The following RNF216 variants were observed in gnomAD, a reference collection of about 807,000 sequenced individuals.
RNF216 encodes E3 ubiquitin-protein ligase RNF216.
Under a neutral mutation model 110.8 loss-of-function variants are expected in RNF216, and 72 were observed. That is an observed-to-expected ratio of 0.65 (90% CI 0.54 to 0.79). The LOEUF (loss-of-function observed/expected upper bound fraction) is 0.79. RNF216 is among the 30% of genes least tolerant of loss of function. The pLI is 0.00. For missense variants in RNF216, 1,342 were observed against 1,141.2 expected (o/e 1.18, Z -2.54); for synonymous variants, 495 against 407.5 (o/e 1.21, Z -2.59).
At position 5,680,411 on chromosome 7, in the gene RNF216, T is replaced by G. The variant is rs996188813; in HGVS notation, c.2062-27901A>C. 5.3e-5 allele frequency: 8 copies of G among 152,206 alleles called. No homozygotes were observed. The highest frequency in any genetic ancestry group is 1.9e-4 in the African/African-American group (8 of 41,430). The allele number at this position is 152,206 out of a possible 1,614,324, so 9.4% of individuals were successfully genotyped here. ...ACTGGTTACTCAACACTTCTTTTTT[T>G]GTTGTTGTTGAGACGGAGTCTTGCC... On this transcript the variant is annotated intron_variant, in intron 13 of 16. Transcript: ENST00000389902. This position sits in a 1 kb window ranked among gnomAD's most constrained non-coding sequence, Gnocchi z 4.3.
At chr7:5,687,904 T>C (rs1214349464) in intron 13 of RNF216, among the ~76,000 whole-genome samples, 1 of 152,222 alleles carries the variant, frequency 6.6e-6, no homozygotes, top group Non-Finnish European at 1.5e-5. Context: ...CACAAAGAGA[T>C]ACAAGGAAGA....
At chr7:5,733,296 G>A (rs1794197248) in intron 5 of RNF216, 1 of 152,190 alleles carries the variant, frequency 6.6e-6, no homozygotes, top group Non-Finnish European at 1.5e-5. Context: ...TTAAGGATCA[G>A]TGTTTGTTTC....
intron 2 of RNF216, among the ~76,000 whole-genome samples, chr7:5,756,145 A>G (rs1223473929): frequency 6.6e-6 from 1 of 152,006 alleles, no homozygotes; most frequent in East Asian, 1.9e-4. Context: ...CGATGGTTTT[A>G]TATGCACTGG....
At chr7:5,699,715 C>A (rs1402756730) in intron 13 of RNF216, among the ~76,000 whole-genome samples, 4 of 152,234 alleles carry the variant, frequency 2.6e-5, no homozygotes, top group African/African-American at 4.8e-5. Context: ...GCCTGTTACA[C>A]TGGACATGAA....
intron 11 of RNF216, chr7:5,713,416 G>A (rs1316945017): frequency 6.6e-6 from 1 of 152,440 alleles, no homozygotes; most frequent in African/African-American, 2.4e-5. Flanking sequence ...AGAGCTGAGG[G>A]GTGGCCTGAA....
chr7:5,668,836 G>C (rs539273502), intron 13 of RNF216, among the ~76,000 whole-genome samples: 1 of 152,166 alleles, frequency 6.6e-6, no homozygotes, highest in South Asian at 2.1e-4. Flanking sequence ...TTCTAGTCAC[G>C]GTGTATCTTC....
intron 13 of RNF216, among the ~76,000 whole-genome samples, chr7:5,708,186 C>T (rs555611174): frequency 1.9e-4 from 29 of 152,282 alleles, no homozygotes; most frequent in East Asian, 1.2e-3. Context: ...ATGTTCCATG[C>T]GCAACAGAGG....
At chr7:5,747,934 G>A (rs1190752245) in intron 3 of RNF216, among the ~76,000 whole-genome samples, 1 of 151,970 alleles carries the variant, frequency 6.6e-6, no homozygotes, top group Non-Finnish European at 1.5e-5. Flanking sequence ...TTGAGCCACT[G>A]TGTCTGCCCT....
intron 7 of RNF216, among the ~76,000 whole-genome samples, chr7:5,727,376 T>C (rs553888717): frequency 1.6e-4 from 25 of 152,316 alleles, no homozygotes; most frequent in African/African-American, 6.0e-4. Flanking sequence ...TGCTTATTAT[T>C]GAGTGGCCAA....
chr7:5,743,679 A>C (rs958935127), intron 3 of RNF216, among the ~76,000 whole-genome samples: 19 of 152,242 alleles, frequency 1.2e-4, no homozygotes, highest in African/African-American at 4.6e-4. Flanking sequence ...GATACATACA[A>C]ATTCAAAGAA....
chr7:5,678,034 C>T (rs1318913107), intron 13 of RNF216, among the ~76,000 whole-genome samples: 2 of 152,136 alleles, frequency 1.3e-5, no homozygotes, highest in Admixed American at 1.3e-4. Flanking sequence ...TTCTCCTACA[C>T]ACCTGTCTTC....
intron 13 of RNF216, among the ~76,000 whole-genome samples, chr7:5,667,470 G>C (rs1012438226): frequency 6.6e-6 from 1 of 152,232 alleles, no homozygotes; most frequent in Admixed American, 6.5e-5. Flanking sequence ...CCCTGGAGGT[G>C]ACTCTGCTGA....
intron 15 of RNF216, among the ~76,000 whole-genome samples, chr7:5,625,298 T>A (rs140274759): frequency 1.8e-4 from 27 of 152,356 alleles, no homozygotes; most frequent in Admixed American, 7.2e-4. Context: ...TGGTGGTCCC[T>A]GATATCGTGA....
intron 15 of RNF216, among the ~76,000 whole-genome samples, chr7:5,636,789 T>C (rs1787422610): frequency 6.6e-6 from 1 of 152,172 alleles, no homozygotes; most frequent in African/African-American, 2.4e-5. Context: ...TCAAACTTTA[T>C]TTTGAGCAAA....
intron 11 of RNF216, among the ~76,000 whole-genome samples, chr7:5,713,142 T>C (rs1314268952): frequency 6.6e-6 from 1 of 152,168 alleles, no homozygotes; most frequent in Admixed American, 6.5e-5. Context: ...CAGAAGCCCA[T>C]AGCTTAGGGT....
intron 13 of RNF216, among the ~76,000 whole-genome samples, chr7:5,702,443 T>C (rs1792029851): frequency 6.6e-6 from 1 of 152,222 alleles, no homozygotes; most frequent in Non-Finnish European, 1.5e-5. Flanking sequence ...TTTTTACCTT[T>C]CCCTATTTCG....
At chr7:5,707,839 C>A (rs552486951) in intron 13 of RNF216, among the ~76,000 whole-genome samples, 6 of 151,736 alleles carry the variant, frequency 4.0e-5, no homozygotes, top group Non-Finnish European at 8.8e-5. Context: ...TTCTCTCCTG[C>A]CTCAGCCTCC....
At chr7:5,677,713 TC>T (rs1289120704) in intron 13 of RNF216, among the ~76,000 whole-genome samples, 1 of 152,238 alleles carries the variant, frequency 6.6e-6, no homozygotes, top group Non-Finnish European at 1.5e-5. Context: ...GACCTCATTC[TC>T]CACTTCCTGT....
At chr7:5,645,190 G>C (rs897759343) in intron 14 of RNF216, among the ~76,000 whole-genome samples, 1 of 152,000 alleles carries the variant, frequency 6.6e-6, no homozygotes, top group Non-Finnish European at 1.5e-5. Context: ...TGAACAGTTT[G>C]ACTCTGATGT....
Sources: gnomAD v4.1 joint callset for allele counts (sites outside exome capture counted in the v4.1 genomes callset) on GRCh38, gnomAD v4.1.1 for gene constraint, Gnocchi (gnomAD v3.1) non-coding constraint, MANE v1.5 for transcripts, NCBI Gene and HGNC (gene_info 2026-07-23, HGNC 2026-07-21) for gene names.